The following CFAP47 variants were observed in gnomAD, a reference collection of about 807,000 sequenced individuals.
CFAP47 encodes the protein cilia and flagella associated protein 47.
In CFAP47, 29 loss-of-function variants were observed where a neutral mutation model predicts 148.1. That is an observed-to-expected ratio of 0.20 (90% confidence interval 0.15 to 0.27). The LOEUF (loss-of-function observed/expected upper bound fraction) is 0.27. Ranked by LOEUF, CFAP47 falls within the 10% of genes least tolerant of loss-of-function variation. The pLI is 1.00. For synonymous variants in CFAP47, 664 were observed against 577.3 expected (o/e 1.15, Z -2.15); for missense variants, 1,872 against 1,697.5 (o/e 1.10, Z -1.81).
intron 49 of CFAP47, among the ~76,000 whole-genome samples, chrX:36,269,826 A>G (rs1185469380): frequency 1.8e-5 from 2 of 111,736 alleles, no homozygotes; most frequent in Admixed American, 1.9e-4. Context: ...CATATGCTAG[A>G]CTACCCTTGC....
chrX:36,131,674 A>T (rs2146824457), intron 33 of CFAP47, among the ~76,000 whole-genome samples: 1 of 112,057 alleles, frequency 8.9e-6, no homozygotes. Flanking sequence ...AGCAATAAAA[A>T]GAAATGAAAT....
chrX:36,089,169 A>G (rs1011753529), intron 30 of CFAP47, among the ~76,000 whole-genome samples: 2 of 110,927 alleles, frequency 1.8e-5, no homozygotes, highest in Admixed American at 1.9e-4. Flanking sequence ...GGAGTTTGAG[A>G]CCAGCCTGGC....
intron 22 of CFAP47, among the ~76,000 whole-genome samples, chrX:36,022,915 T>A (rs1485795536): frequency 8.9e-6 from 1 of 112,459 alleles, no homozygotes; most frequent in Non-Finnish European, 1.9e-5. Flanking sequence ...CTATTTTGAA[T>A]CCTCTTTCTG....
chrX:35,943,496 A>G (rs930202202), intron 3 of CFAP47, among the ~76,000 whole-genome samples: 1 of 111,400 alleles, frequency 9.0e-6, no homozygotes, highest in African/African-American at 3.3e-5. Flanking sequence ...GTAAACATCC[A>G]TGGATCTAGC....
chrX:35,981,292 A>G (rs1936641055), intron 15 of CFAP47, among the ~76,000 whole-genome samples: 1 of 107,983 alleles, frequency 9.3e-6, no homozygotes, highest in Non-Finnish European at 1.9e-5. Context: ...TATAAATTCA[A>G]ATATGTCAAT....
chrX:36,048,995 G>T (rs1937498975), intron 26 of CFAP47, among the ~76,000 whole-genome samples: 1 of 110,899 alleles, frequency 9.0e-6, no homozygotes, highest in Non-Finnish European at 1.9e-5. Flanking sequence ...GCTCTGCTTT[G>T]CTATCCATGA....
intron 2 of CFAP47, among the ~76,000 whole-genome samples, chrX:35,938,172 G>GA (rs1167440577): frequency 2.1e-4 from 23 of 111,361 alleles, no homozygotes; most frequent in African/African-American, 6.8e-4. Flanking sequence ...GTTAGCAGGT[G>GA]AAAAAATTAC....
intron 33 of CFAP47, among the ~76,000 whole-genome samples, chrX:36,136,397 C>T (rs781041239): frequency 9.9e-5 from 11 of 110,587 alleles, no homozygotes; most frequent in Non-Finnish European, 1.9e-5. Flanking sequence ...CCACTGCTAA[C>T]TGACTGATTC....
chrX:36,091,091 G>T (rs1280292351), intron 30 of CFAP47, among the ~76,000 whole-genome samples: 2 of 111,602 alleles, frequency 1.8e-5, no homozygotes, highest in Non-Finnish European at 3.8e-5. Flanking sequence ...GTGCACTGAT[G>T]AAGTTAGGCC....
intron 40 of CFAP47, among the ~76,000 whole-genome samples, chrX:36,186,411 A>G (rs1265115691): frequency 1.8e-5 from 2 of 111,701 alleles, no homozygotes; most frequent in African/African-American, 6.5e-5. Flanking sequence ...GCCTCTAGAT[A>G]TCCACTGGGC....
intron 48 of CFAP47, among the ~76,000 whole-genome samples, chrX:36,246,570 A>T (rs189669883): frequency 9.0e-6 from 1 of 111,446 alleles, no homozygotes; most frequent in Non-Finnish European, 1.9e-5. Flanking sequence ...ATAAGATCTC[A>T]TGAGAATTCA....
chrX:36,068,640 C>T (rs1365101781), intron 27 of CFAP47, among the ~76,000 whole-genome samples: 3 of 111,003 alleles, frequency 2.7e-5, no homozygotes, highest in Non-Finnish European at 3.8e-5. Context: ...AAAATTTTAA[C>T]ACACATTGTC....
intron 49 of CFAP47, among the ~76,000 whole-genome samples, chrX:36,268,956 A>C (rs1283997214): frequency 5.3e-5 from 6 of 112,170 alleles, no homozygotes; most frequent in Non-Finnish European, 1.1e-4. Flanking sequence ...TGAATTTACT[A>C]ATTCGGTCAG....
intron 29 of CFAP47, among the ~76,000 whole-genome samples, chrX:36,079,510 A>G (rs1307678264): frequency 1.8e-5 from 2 of 111,640 alleles, no homozygotes; most frequent in African/African-American, 3.3e-5. Flanking sequence ...TTCTAGTGCC[A>G]TGGTTTTCAG....
Position 35,951,238 on chromosome X carries a change from T to G in CFAP47, c.764T>G (p.Ile255Arg). Residue 255 changes from isoleucine (I) to arginine (R), a missense_variant, in exon 5 of 64, where the codon ATA (isoleucine) becomes AGA (arginine). By Grantham distance (97) the Ile-to-Arg change is moderately conservative. Coordinates refer to ENST00000378653, the MANE Select transcript of CFAP47 (RefSeq NM_001304548.2). ...SMSSDRRLEC[I>R]HFGPVFFGSS... ...AGTAGTGACAGAAGGCTGGAATGCA[T>G]ACACTTTGGTCCTGTTTTCTTCGGA... 1 of 1,208,726 alleles carries G rather than the reference T, an allele frequency of 8.3e-7. No homozygotes were observed. The highest frequency in any genetic ancestry group is 1.8e-5 in the South Asian group (1 of 56,899).
intron 24 of CFAP47, 148 bp downstream of exon 24, chrX:36,036,002 T>G: frequency 4.2e-6 from 1 of 238,399 alleles, no homozygotes; most frequent in Admixed American, 6.7e-5. Context: ...TTAATCTCAT[T>G]TTTGAATGTT....
intron 61 of CFAP47, among the ~76,000 whole-genome samples, chrX:36,363,482 A>T (rs1941845874): frequency 5.4e-5 from 6 of 111,784 alleles, no homozygotes. Context: ...AATCATATGG[A>T]ACAACCGTTG....
chrX:36,353,479 G>A (rs1941759658), intron 59 of CFAP47, 50 bp from the exon 60 acceptor site: 2 of 1,054,593 alleles, frequency 1.9e-6, no homozygotes, highest in Admixed American at 2.9e-5. Flanking sequence ...TCTCAAGAAT[G>A]ATCATATCAC....
chrX:36,184,481 A>T (rs73472865), intron 40 of CFAP47, among the ~76,000 whole-genome samples: 1,868 of 111,433 alleles, frequency 0.017, 50 homozygotes, highest in African/African-American at 0.057. Flanking sequence ...TTTCTCACAA[A>T]CCTATGTTTT....
Sources: gnomAD v4.1 joint callset for allele counts (sites outside exome capture counted in the v4.1 genomes callset) on GRCh38, gnomAD v4.1.1 for gene constraint, MANE v1.5 for transcripts, NCBI Gene and HGNC (gene_info 2026-07-23, HGNC 2026-07-21) for gene names.